Variants in MAD1L1 observed in about 807,000 individuals in gnomAD.
MAD1L1 encodes the protein mitotic arrest deficient 1 like 1.
A neutral mutation model predicts 96.9 loss-of-function variants in MAD1L1; 95 were observed. The ratio of observed to expected loss-of-function variants is 0.98; its 90% confidence interval spans 0.83 to 1.16. The LOEUF is 1.16. Ranked by LOEUF, MAD1L1 falls within the 50% of genes most tolerant of loss-of-function variation. The pLI is 0.00. For missense variants in MAD1L1, 1,007 were observed against 954.4 expected, an observed-to-expected ratio of 1.06 and a Z score of -0.73; for synonymous variants, 473 against 396.6, an observed-to-expected ratio of 1.19 and a Z score of -2.29.
chr7:2,222,529 C>T, intron 5 of MAD1L1, 46 bp downstream of exon 5: 1 of 1,496,920 alleles, frequency 6.7e-7, no homozygotes, highest in Non-Finnish European at 8.9e-7. Flanking sequence ...CATGCACTCC[C>T]TCTCCTCGGG....
intron 15 of MAD1L1, among the ~76,000 whole-genome samples, chr7:1,961,843 G>A (rs533380436): frequency 2.7e-5 from 4 of 148,398 alleles, no homozygotes; most frequent in East Asian, 2.0e-4. Flanking sequence ...ATCACAGGGC[G>A]GTTTCCCCCA....
At chr7:2,128,402 G>A (rs1584389227) in intron 11 of MAD1L1, among the ~76,000 whole-genome samples, 1 of 152,068 alleles carries the variant, frequency 6.6e-6, no homozygotes, top group African/African-American at 2.4e-5. Context: ...AAAGACCTAG[G>A]CAGTTCAGAG....
At chr7:2,112,366 G>A (rs731140) in intron 11 of MAD1L1, among the ~76,000 whole-genome samples, 84,078 of 151,918 alleles carry the variant, frequency 0.55, 25,461 homozygotes, top group South Asian at 0.72. Flanking sequence ...GTAAACCTAA[G>A]GGAACCACAA....
Position 2,230,023 on chromosome 7 carries a change from G to C in MAD1L1, c.111C>G (p.Ala37=). Residue 37 remains alanine, a synonymous_variant, in exon 3 of 19, where the codon GCC becomes GCG. Transcript: ENST00000265854. ...GGSGLDISTS[A]PGSLQMQYQQ... is the part of the protein sequence containing the mutation. The stretch of plus-strand genomic sequence containing the variant: ...GGTACTGCATCTGCAGAGAACCTGG[G>C]GCCGAGGTAGAAATATCCAGTCCAG... 6.2e-7 allele frequency: 1 copy of C among 1,613,626 alleles called. No homozygotes were observed. Among genetic ancestry groups the C allele is most frequent in the South Asian group, 1.1e-5 (1 of 91,022 alleles).
intron 10 of MAD1L1, among the ~76,000 whole-genome samples, chr7:2,153,923 C>T (rs542423020): frequency 1.8e-4 from 28 of 152,182 alleles, no homozygotes; most frequent in African/African-American, 6.3e-4. Context: ...TTTGGGAGGC[C>T]GAGGCAGGTG....
chr7:1,867,952 G>C (rs1161472599), intron 18 of MAD1L1, among the ~76,000 whole-genome samples: 1 of 152,198 alleles, frequency 6.6e-6, no homozygotes, highest in African/African-American at 2.4e-5. Flanking sequence ...TCCCTAATAC[G>C]GGGCGACAAC....
chr7:2,082,146 A>G (rs916348155), intron 11 of MAD1L1, among the ~76,000 whole-genome samples: 15 of 151,868 alleles, frequency 9.9e-5, no homozygotes, highest in African/African-American at 3.6e-4. Flanking sequence ...TGCGCAGGAG[A>G]TGCCAGAGAA....
chr7:1,982,233 T>C (rs959620085), intron 14 of MAD1L1, among the ~76,000 whole-genome samples: 1 of 152,094 alleles, frequency 6.6e-6, no homozygotes, highest in African/African-American at 2.4e-5. Context: ...ATATATATTC[T>C]GAGACAGAGT....
intron 18 of MAD1L1, among the ~76,000 whole-genome samples, chr7:1,897,890 C>T (rs933784512): frequency 2.6e-5 from 4 of 152,352 alleles, no homozygotes; most frequent in East Asian, 1.9e-4. Context: ...CTGACACACA[C>T]GCCTACGGCC....
At chr7:1,847,725 C>T (rs552301008) in intron 18 of MAD1L1, 27 of 470,064 alleles carry the variant, frequency 5.7e-5, no homozygotes, top group African/African-American at 5.0e-4. Context: ...CCCATCGCTT[C>T]GGCGTCCCTG....
intron 18 of MAD1L1, among the ~76,000 whole-genome samples, chr7:1,884,248 C>T (rs1402193250): frequency 6.6e-6 from 1 of 152,206 alleles, no homozygotes; most frequent in Non-Finnish European, 1.5e-5. Flanking sequence ...CGTGGCCACC[C>T]ACCCTCACAC....
chr7:1,828,592 G>A (rs1486995043), intron 18 of MAD1L1, among the ~76,000 whole-genome samples: 5 of 152,180 alleles, frequency 3.3e-5, no homozygotes, highest in African/African-American at 7.2e-5. Context: ...CCAGACAGAC[G>A]CTGCCCTGCT....
Position 1,951,870 on chromosome 7 carries a change from T to C in MAD1L1, c.1596+5759A>G, listed in dbSNP as rs117193812. On this transcript the variant is annotated intron_variant, in intron 16 of 18. Transcript: ENST00000265854. ...ACAGACGCTGGGGTGCGCTCACCTC[T>C]GGGCTACCGTGAGCGAGGCTGCTGT... 3.5e-3 allele frequency among the ~76,000 whole-genome samples: 530 copies of C among 152,304 alleles called. 9 individuals are homozygous for C. The highest frequency in any genetic ancestry group is 0.014 in the East Asian group (72 of 5,184).
At chr7:2,066,605 C>T (rs1784885167) in intron 12 of MAD1L1, among the ~76,000 whole-genome samples, 1 of 152,230 alleles carries the variant, frequency 6.6e-6, no homozygotes, top group African/African-American at 2.4e-5. Flanking sequence ...AGAACAGAAA[C>T]TTCCTGCCCT....
intron 11 of MAD1L1, among the ~76,000 whole-genome samples, chr7:2,135,879 C>T (rs1038011761): frequency 1.3e-5 from 2 of 152,224 alleles, no homozygotes; most frequent in Non-Finnish European, 2.9e-5. Flanking sequence ...AGGCTCTTTT[C>T]GCCATATAAC....
At chr7:1,902,260 G>T (rs995773816) in intron 17 of MAD1L1, among the ~76,000 whole-genome samples, 8 of 152,212 alleles carry the variant, frequency 5.3e-5, no homozygotes, top group African/African-American at 1.9e-4. Flanking sequence ...TAGCTAGCAG[G>T]AAAGAGAGGC....
At chr7:2,087,012 G>A (rs1250293725) in intron 11 of MAD1L1, among the ~76,000 whole-genome samples, 2 of 152,224 alleles carry the variant, frequency 1.3e-5, no homozygotes, top group Non-Finnish European at 2.9e-5. Context: ...AGAGCATGGA[G>A]GAGGTGGTGG....
At chr7:2,215,807 G>C in intron 9 of MAD1L1, 78 bp downstream of exon 9, 1 of 1,314,388 alleles carries the variant, frequency 7.6e-7, no homozygotes, top group Non-Finnish European at 1.1e-6. Flanking sequence ...GCAGCTGGTG[G>C]GCGTGACCAC....
intron 18 of MAD1L1, among the ~76,000 whole-genome samples, chr7:1,896,089 G>C (rs970233744): frequency 6.6e-6 from 1 of 152,240 alleles, no homozygotes; most frequent in African/African-American, 2.4e-5. Flanking sequence ...GGGCGAGCAG[G>C]GCTGGGGAGC....
Sources: gnomAD v4.1 joint callset for allele counts (sites outside exome capture counted in the v4.1 genomes callset) on GRCh38, gnomAD v4.1.1 for gene constraint, MANE v1.5 for transcripts, NCBI Gene and HGNC (gene_info 2026-07-23, HGNC 2026-07-21) for gene names.